ZFR: variants seen among roughly 807,000 people sequenced by gnomAD.
The protein encoded by ZFR is zinc finger RNA-binding protein.
In ZFR, 19 loss-of-function variants were observed where a neutral mutation model predicts 130.7. The ratio of observed to expected loss-of-function variants is 0.15; its 90% CI spans 0.10 to 0.21. The LOEUF (loss-of-function observed/expected upper bound fraction) is 0.21, where lower values mean the gene tolerates loss of function less well. ZFR is among the 10% of genes least tolerant of loss of function. The probability of loss-of-function intolerance (pLI) is 1.00; values close to 1 mark genes in which losing one functional copy is unlikely to be tolerated. For synonymous variants in ZFR, 466 were observed against 456.9 expected (o/e 1.02, Z -0.25); for missense variants, 872 against 1,321.5 (o/e 0.66, Z 5.27).
At chr5:32,366,882 T>G (rs916944464) in intron 17 of ZFR, among the ~76,000 whole-genome samples, 19 of 66,318 alleles carry the variant, frequency 2.9e-4, no homozygotes, top group Non-Finnish European at 6.7e-4. Context: ...GATTTTTTAA[T>G]TTTTTTTTTT....
Position 32,403,120 on chromosome 5 carries a change from T to G in ZFR, c.1502A>C (p.Lys501Thr). ...NMAAKKTSTP[K>T]INFVGGNKLQ... ...TCAGTACTTGCCAACAAAATTTATTTTGGGGGTAGATGTTTTCTTGGCAGC... is the reference window on the plus strand; with the variant it reads ...TCAGTACTTGCCAACAAAATTTATTGTGGGGGTAGATGTTTTCTTGGCAGC... Residue 501 changes from lysine (K) to threonine (T), a missense_variant, in exon 8 of 20, where the codon AAA (lysine) becomes ACA (threonine). Physicochemically the swap from Lys to Thr is moderately conservative, Grantham distance 78. Around this residue, in one of 7 missense-constraint regions of ZFR, gnomAD observed 143 missense variants for 137.9 expected, o/e 1.04. Transcript: ENST00000265069. 6.2e-7 allele frequency: 1 copy of G among 1,613,730 alleles called. No individual in the cohort carries two copies. Among genetic ancestry groups the G allele is most frequent in the Non-Finnish European group, 8.5e-7 (1 of 1,179,866 alleles).
intron 9 of ZFR, among the ~76,000 whole-genome samples, chr5:32,399,170 G>T (rs1165992932): frequency 5.3e-5 from 8 of 151,910 alleles, no homozygotes; most frequent in Non-Finnish European, 1.2e-4. Context: ...AGCTACTTGG[G>T]AGGCTGAGGC....
chr5:32,385,516 C>T lies in ZFR; in HGVS notation c.2633G>A (p.Arg878Lys), dbSNP rs774339484. The T allele has an allele frequency of 3.4e-5, 55 of 1,612,912 alleles. No homozygotes were observed. The highest frequency in any genetic ancestry group is 1.6e-4 in the Middle Eastern group (1 of 6,074). Residue 878 changes from arginine (R) to lysine (K), a missense_variant, in exon 15 of 20, where the codon AGG (arginine) becomes AAG (lysine). Around this residue, in one of 7 missense-constraint regions of ZFR, gnomAD observed 158 missense variants for 264.0 expected, o/e 0.60. Transcript: ENST00000265069. ...TTTAATGGCTTTCCAACCTCCTTCCCTCATGTTCTCTTCTCGAATAATTGG... is the reference window on the plus strand; with the variant it reads ...TTTAATGGCTTTCCAACCTCCTTCCTTCATGTTCTCTTCTCGAATAATTGG... The part of the protein sequence containing the change: ...TSPIIREENM[R>K]EGDVTSGMVK...
At chr5:32,426,694 G>A (rs1754079577) in intron 2 of ZFR, among the ~76,000 whole-genome samples, 1 of 152,178 alleles carries the variant, frequency 6.6e-6, no homozygotes, top group South Asian at 2.1e-4. Flanking sequence ...TTCAGCCCAG[G>A]AGTTCGAGAC....
intron 2 of ZFR, among the ~76,000 whole-genome samples, chr5:32,436,974 AAACT>A (rs1416206464): frequency 6.6e-6 from 1 of 152,236 alleles, no homozygotes; most frequent in African/African-American, 2.4e-5. Flanking sequence ...ATAGATAAAA[AAACT>A]AACAACAGAC....
chr5:32,389,237 C>T (rs1753107322), intron 12 of ZFR, among the ~76,000 whole-genome samples: 1 of 152,300 alleles, frequency 6.6e-6, no homozygotes, highest in African/African-American at 2.4e-5. Flanking sequence ...TTATCTACCC[C>T]TTATCTTTCA....
At chr5:32,361,815 G>C (rs1752441125) in intron 19 of ZFR, among the ~76,000 whole-genome samples, 1 of 151,936 alleles carries the variant, frequency 6.6e-6, no homozygotes, top group Non-Finnish European at 1.5e-5. Flanking sequence ...TAGACACAGG[G>C]TTTTGCCACG....
In ZFR at chr5:32,387,273, G is replaced by A. The variant is rs114562705; in HGVS notation, c.2499+276C>T. ...CTGCCTTCTTATGATTCAAGTCTTG[G>A]AAAAAGAACAAGAGAAGGAAGGCAT... is the stretch of plus-strand genomic sequence containing the variant. On this transcript the variant is annotated intron_variant, in intron 14 of 19. Coordinates refer to ENST00000265069, the MANE Select transcript of ZFR (RefSeq NM_016107.5). Among the ~76,000 whole-genome samples, 1,238 of 151,818 alleles carry A rather than the reference G, an allele frequency of 8.2e-3. 16 individuals are homozygous for A. Among genetic ancestry groups the A allele is most frequent in the African/African-American group, 0.027 (1,122 of 41,444 alleles).
intron 2 of ZFR, among the ~76,000 whole-genome samples, chr5:32,431,480 A>G (rs1369144630): frequency 2.0e-5 from 3 of 152,234 alleles, no homozygotes; most frequent in Non-Finnish European, 4.4e-5. Context: ...ATGAAGTGGG[A>G]AAAATCTAAA....
intron 5 of ZFR, 140 bp from the exon 6 acceptor site, chr5:32,407,161 C>A (rs1753596368): frequency 1.3e-6 from 1 of 765,106 alleles, no homozygotes; most frequent in Non-Finnish European, 1.9e-6. Flanking sequence ...TCTCACAGAA[C>A]CAGAAAAAAG....
chr5:32,444,505 C>T, intron 1 of ZFR, 117 bp downstream of exon 1: 3 of 1,323,284 alleles, frequency 2.3e-6, no homozygotes, highest in Non-Finnish European at 3.0e-6. Context: ...CTCACTCGCA[C>T]GCCCGGGTGG....
intron 15 of ZFR, chr5:32,383,724 C>CA (rs1752981306): frequency 2.2e-6 from 1 of 456,212 alleles, no homozygotes; most frequent in Non-Finnish European, 4.4e-6. Flanking sequence ...TTTTAAGACA[C>CA]AGAGCACTGG....
chr5:32,399,302 CAAAAACA>C (rs1753388789), intron 9 of ZFR, among the ~76,000 whole-genome samples: 1 of 151,698 alleles, frequency 6.6e-6, no homozygotes, highest in African/African-American at 2.4e-5. Context: ...AAAACAAAAA[CAAAAACA>C]AAAACTCTCC....
intron 5 of ZFR, among the ~76,000 whole-genome samples, chr5:32,411,708 GA>G (rs1753714864): frequency 2.0e-5 from 1 of 50,866 alleles, no homozygotes; most frequent in Non-Finnish European, 3.8e-5. Context: ...AAAAAAAATT[GA>G]GGGGGGGCGG....
intron 5 of ZFR, among the ~76,000 whole-genome samples, chr5:32,414,372 T>C (rs1753775462): frequency 6.6e-6 from 1 of 152,156 alleles, no homozygotes; most frequent in Non-Finnish European, 1.5e-5. Context: ...AATGCAAACT[T>C]CCTCAGCTAG....
At chr5:32,370,310 G>A (rs200933419) in intron 17 of ZFR, among the ~76,000 whole-genome samples, 30 of 69,828 alleles carry the variant, frequency 4.3e-4, no homozygotes, top group African/African-American at 1.8e-3. Context: ...TGTTGTGGGG[G>A]GAGAGAGAGA....
At chr5:32,412,851 A>T (rs754770444) in intron 5 of ZFR, among the ~76,000 whole-genome samples, 1 of 152,210 alleles carries the variant, frequency 6.6e-6, no homozygotes, top group Non-Finnish European at 1.5e-5. Context: ...GGCATAAAAA[A>T]TAGTTCTTGG....
intron 17 of ZFR, 144 bp from the exon 18 acceptor site, chr5:32,364,419 T>C (rs1416641411): frequency 1.9e-6 from 1 of 527,368 alleles, no homozygotes; most frequent in Non-Finnish European, 3.3e-6. Flanking sequence ...AAATATTACA[T>C]ATAATATAAA....
intron 11 of ZFR, among the ~76,000 whole-genome samples, chr5:32,392,793 G>T (rs1581693601): frequency 6.6e-6 from 1 of 152,118 alleles, no homozygotes; most frequent in East Asian, 1.9e-4. Context: ...CCAGGAGTTT[G>T]AGACCAGCCT....
Sources: gnomAD v4.1 joint callset for allele counts (sites outside exome capture counted in the v4.1 genomes callset) on GRCh38, gnomAD v4.1.1 for gene constraint, gnomAD v4.1.1 regional missense constraint, MANE v1.5 for transcripts, NCBI Gene and HGNC (gene_info 2026-07-23, HGNC 2026-07-21) for gene names.